Variants in CSMD1 observed in about 807,000 individuals in gnomAD.
CSMD1 encodes CUB and sushi domain-containing protein 1.
A neutral mutation model predicts 417.5 loss-of-function variants in CSMD1; 213 were observed. That is an observed-to-expected ratio of 0.51 (90% CI 0.46 to 0.57). The LOEUF is 0.57. Ranked by LOEUF, CSMD1 falls within the 20% of genes least tolerant of loss-of-function variation. CSMD1 has a pLI of 0.00. For missense variants in CSMD1, 6,923 were observed against 4,529.7 expected, an observed-to-expected ratio of 1.53 and a Z score of -15.17; for synonymous variants, 2,862 against 1,736.8, an observed-to-expected ratio of 1.65 and a Z score of -16.11.
intron 48 of CSMD1, among the ~76,000 whole-genome samples, chr8:3,090,856 G>C (rs1487462517): frequency 6.6e-6 from 1 of 152,204 alleles, no homozygotes; most frequent in Admixed American, 6.5e-5. Context: ...AGTGTGGTCA[G>C]ATCCTACTGA....
chr8:3,688,011 CA>C (rs1800035530), intron 7 of CSMD1, among the ~76,000 whole-genome samples: 1 of 152,214 alleles, frequency 6.6e-6, no homozygotes, highest in Non-Finnish European at 1.5e-5. Flanking sequence ...TTTAAATCTG[CA>C]AATTTTCAGC....
At chr8:4,393,403 A>T (rs1473095681) in intron 3 of CSMD1, among the ~76,000 whole-genome samples, 1 of 152,240 alleles carries the variant, frequency 6.6e-6, no homozygotes, top group East Asian at 1.9e-4. Flanking sequence ...ATGGTTGTGA[A>T]ATCATTTAAT....
intron 3 of CSMD1, among the ~76,000 whole-genome samples, chr8:4,106,132 G>T (rs1026974961): frequency 6.6e-6 from 1 of 152,112 alleles, no homozygotes; most frequent in Non-Finnish European, 1.5e-5. Context: ...AGTGACCATC[G>T]ATTTATTACA....
chr8:3,065,876 A>G (rs1563299577), intron 49 of CSMD1, among the ~76,000 whole-genome samples: 3 of 152,238 alleles, frequency 2.0e-5, no homozygotes, highest in African/African-American at 7.2e-5. Flanking sequence ...AATCTGGCTC[A>G]TTATAAATGA....
intron 3 of CSMD1, among the ~76,000 whole-genome samples, chr8:4,116,616 G>A (rs1012148800): frequency 1.4e-5 from 2 of 141,750 alleles, no homozygotes; most frequent in Non-Finnish European, 3.0e-5. Flanking sequence ...TGCCTGGATG[G>A]AACAAACGCG....
intron 5 of CSMD1, among the ~76,000 whole-genome samples, chr8:3,791,043 T>A (rs1446916875): frequency 6.6e-6 from 1 of 152,116 alleles, no homozygotes; most frequent in Non-Finnish European, 1.5e-5. Flanking sequence ...ACCATGATCA[T>A]TTTTAATATG....
At chr8:4,128,316 G>A (rs10091079) in intron 3 of CSMD1, among the ~76,000 whole-genome samples, 22,693 of 152,120 alleles carry the variant, frequency 0.15, 1,830 homozygotes, top group Middle Eastern at 0.26. Context: ...ACAAATTAGG[G>A]TCAGTTTTTA....
In CSMD1 at chr8:4,117,330, C is replaced by G. The variant is rs543559089; in HGVS notation, c.416-85231G>C. Among the ~76,000 whole-genome samples, 26 of 152,042 alleles carry G rather than the reference C, an allele frequency of 1.7e-4. No individual in the cohort carries two copies. In the East Asian group the frequency reaches 4.9e-3, roughly 28 times the overall value. On this transcript the variant is annotated intron_variant, in intron 3 of 69. Coordinates refer to ENST00000635120, the MANE Select transcript of CSMD1 (RefSeq NM_033225.6). Reference sequence around the variant, plus strand: ...ATCCTCCTTATACATCACCGTCTGCCTGTACCAACACTGTCATCGCCTCAT... The same window carrying G: ...ATCCTCCTTATACATCACCGTCTGCGTGTACCAACACTGTCATCGCCTCAT...
At chr8:3,717,066 G>A (rs1284239254) in intron 6 of CSMD1, among the ~76,000 whole-genome samples, 4 of 152,144 alleles carry the variant, frequency 2.6e-5, no homozygotes, top group Admixed American at 6.5e-5. Context: ...GGTGAAGTCT[G>A]ATACTAGAAC....
chr8:4,443,698 C>T (rs774822143), intron 2 of CSMD1, among the ~76,000 whole-genome samples: 25 of 152,172 alleles, frequency 1.6e-4, no homozygotes, highest in Non-Finnish European at 3.1e-4. Flanking sequence ...CAATTCCCAA[C>T]AAAATTCTAG....
chr8:4,358,999 T>C (rs1290691794), intron 3 of CSMD1, among the ~76,000 whole-genome samples: 1 of 152,120 alleles, frequency 6.6e-6, no homozygotes, highest in Non-Finnish European at 1.5e-5. Flanking sequence ...AGTTGACATA[T>C]ATAGGCATAT....
rs544156744 is a variant in CSMD1 at position 3,144,797 on chromosome 8, G to C, written c.6032-2123C>G. The stretch of plus-strand genomic sequence containing the variant: ...AAAGGGAGAGAAAGAGGCAACAAGG[G>C]GGGGGGGGAGGGAGGGAGGGAGAAG... On this transcript the variant is annotated intron_variant, in intron 40 of 69. Transcript: ENST00000635120. 5.0e-3 allele frequency among the ~76,000 whole-genome samples: 665 copies of C among 133,846 alleles called. 4 individuals are homozygous for C. Among genetic ancestry groups the C allele is most frequent in the South Asian group, 0.013 (47 of 3,638 alleles). 87.8% of individuals were successfully genotyped at this position (133,846 alleles called of 152,430 possible).
chr8:3,810,170 G>A (rs535860239), intron 5 of CSMD1, among the ~76,000 whole-genome samples: 1 of 152,160 alleles, frequency 6.6e-6, no homozygotes, highest in African/African-American at 2.4e-5. Context: ...CAGGCATATA[G>A]CAGGTGCTCC....
At position 3,406,198 on chromosome 8, in the gene CSMD1, C is replaced by T; in HGVS notation, c.2095G>A (p.Asp699Asn). The change falls in exon 15 of 70, where the codon GAT (aspartate) becomes AAT (asparagine). Residue 699 changes from aspartate (D) to asparagine (N), a missense_variant. Coordinates refer to ENST00000635120, the MANE Select transcript of CSMD1 (RefSeq NM_033225.6). ...CGTCCGTTTATAGGAATGCCAGGAT[C>T]ATGGCACTCATTCTGACCAAATGCT... ...YTTFGQNECHDPGIPINGRRF... is the reference protein window; with the variant it reads ...YTTFGQNECHNPGIPINGRRF... The T allele has an allele frequency of 6.2e-7, 1 of 1,609,052 alleles. No individual in the cohort carries two copies. The highest frequency in any genetic ancestry group is 8.5e-7 in the Non-Finnish European group (1 of 1,177,396).
chr8:4,557,686 T>C (rs2130596231), intron 2 of CSMD1, among the ~76,000 whole-genome samples: 1 of 151,768 alleles, frequency 6.6e-6, no homozygotes, highest in Non-Finnish European at 1.5e-5. Context: ...AAGAAAGGAA[T>C]AGAAGGAAGG....
intron 1 of CSMD1, among the ~76,000 whole-genome samples, chr8:4,638,294 G>A (rs1272623791): frequency 6.6e-6 from 1 of 152,036 alleles, no homozygotes; most frequent in Non-Finnish European, 1.5e-5. Context: ...TACACACCTA[G>A]CCACATAACT....
intron 2 of CSMD1, among the ~76,000 whole-genome samples, chr8:4,460,945 G>A (rs1407880314): frequency 3.3e-5 from 5 of 151,986 alleles, no homozygotes; most frequent in Non-Finnish European, 7.4e-5. Flanking sequence ...CAATATCAAA[G>A]CCAGACATAG....
At chr8:3,553,190 CAATGT>C (rs1798993324) in intron 10 of CSMD1, among the ~76,000 whole-genome samples, 1 of 151,762 alleles carries the variant, frequency 6.6e-6, no homozygotes, top group Non-Finnish European at 1.5e-5. Flanking sequence ...GTGCTAAATG[CAATGT>C]AATATCACTT....
chr8:4,893,859 CT>C (rs1162063593), intron 1 of CSMD1, among the ~76,000 whole-genome samples: 3 of 152,122 alleles, frequency 2.0e-5, no homozygotes, highest in African/African-American at 4.8e-5. Flanking sequence ...GTTCTTACCC[CT>C]TTTTTCCCCA....
Sources: allele counts gnomAD v4.1 joint callset (sites outside exome capture counted in the v4.1 genomes callset), GRCh38; gene constraint gnomAD v4.1.1; transcripts MANE v1.5; gene names NCBI Gene and HGNC (gene_info 2026-07-23, HGNC 2026-07-21).